Variants in NECAB1 observed in about 807,000 individuals in gnomAD.
NECAB1 encodes the protein N-terminal EF-hand calcium binding protein 1, also known as N-terminal EF-hand calcium-binding protein 1.
NECAB1 carries 29 observed loss-of-function variants against 57.5 expected under a neutral mutation model. That is an observed-to-expected ratio of 0.50 (90% CI 0.38 to 0.69). The LOEUF (loss-of-function observed/expected upper bound fraction) is 0.69, where lower values mean the gene tolerates loss of function less well. Ranked by LOEUF, NECAB1 falls within the 30% of genes least tolerant of loss-of-function variation. The pLI, the probability that NECAB1 is intolerant of heterozygous loss-of-function variation, is 0.00. For missense variants in NECAB1, 372 were observed against 413.8 expected, an observed-to-expected ratio of 0.90 and a Z score of 0.88; for synonymous variants, 142 against 147.7, an observed-to-expected ratio of 0.96 and a Z score of 0.28.
chr8:90,923,430 C>G (rs1043631328), intron 6 of NECAB1, among the ~76,000 whole-genome samples: 6 of 152,164 alleles, frequency 3.9e-5, no homozygotes, highest in Non-Finnish European at 7.3e-5. Context: ...TCTGATTAAT[C>G]CCAGAGAAAA....
chr8:90,827,539 C>T (rs770209294), intron 3 of NECAB1, among the ~76,000 whole-genome samples: 2 of 151,962 alleles, frequency 1.3e-5, no homozygotes, highest in Non-Finnish European at 2.9e-5. Context: ...TGTTCTAAGA[C>T]AGTGTTACCC....
At position 90,820,158 on chromosome 8, in the gene NECAB1, C is replaced by T. The variant is rs117111672; in HGVS notation, c.125-4559C>T. 2.1e-3 allele frequency among the ~76,000 whole-genome samples: 323 copies of T among 151,980 alleles called. 7 individuals carry two copies. In the East Asian group the frequency reaches 0.049, roughly 23 times the overall value. The stretch of plus-strand genomic sequence containing the variant: ...CTTAGCTGTGATTCTCTGCTTTTAC[C>T]TGTCTTTCCAGATTTGGGGTAGCAG... On this transcript the variant is annotated intron_variant, in intron 2 of 12. Transcript: ENST00000417640.
At position 90,849,614 on chromosome 8, in the gene NECAB1, A is replaced by AT. The variant is rs1586056801; in HGVS notation, c.234-22508dup. Among the ~76,000 whole-genome samples the AT allele has an allele frequency of 2.2e-5, 3 of 136,958 alleles. 1 individual carries two copies. In the East Asian group the frequency reaches 6.8e-4, roughly 31 times the overall value. The allele number at this position is 136,958 out of a possible 152,430, so 89.8% of individuals were successfully genotyped here. A position where few individuals can be genotyped will look rare whatever the true frequency, so the allele number is the denominator to read the frequency against. ...ATATAGCAGAATAATTTGAATTGTT[A>AT]TTTTTTAGATATAGTATTATTATAG... is the stretch of plus-strand genomic sequence containing the variant. On this transcript the variant is annotated intron_variant, in intron 3 of 12. Coordinates refer to ENST00000417640, the MANE Select transcript of NECAB1 (RefSeq NM_022351.5).
At chr8:90,803,572 A>G (rs1207812334) in intron 2 of NECAB1, among the ~76,000 whole-genome samples, 2 of 152,214 alleles carry the variant, frequency 1.3e-5, no homozygotes, top group African/African-American at 4.8e-5. Context: ...ATAACCTCAA[A>G]TATCGTGCTG....
At chr8:90,904,487 G>C (rs1009312267) in intron 5 of NECAB1, among the ~76,000 whole-genome samples, 1 of 151,862 alleles carries the variant, frequency 6.6e-6, no homozygotes, top group Non-Finnish European at 1.5e-5. Flanking sequence ...AAAACATCAG[G>C]AAACCAGTTT....
At chr8:90,948,555 A>G (rs374851476) in intron 10 of NECAB1, among the ~76,000 whole-genome samples, 2 of 152,196 alleles carry the variant, frequency 1.3e-5, no homozygotes, top group East Asian at 3.8e-4. Context: ...GTTTACTGGT[A>G]AGTTCTTTGT....
At chr8:90,932,734 C>T (rs539564175) in intron 8 of NECAB1, among the ~76,000 whole-genome samples, 5 of 152,190 alleles carry the variant, frequency 3.3e-5, no homozygotes, top group Non-Finnish European at 7.4e-5. Context: ...TATGTTATTT[C>T]AGATAGTCTG....
intron 6 of NECAB1, among the ~76,000 whole-genome samples, chr8:90,923,653 C>T (rs1810186164): frequency 1.3e-5 from 2 of 151,964 alleles, no homozygotes; most frequent in Non-Finnish European, 2.9e-5. Context: ...AGAGAGCAGA[C>T]AAAAAATTTC....
chr8:90,813,230 T>TACACACACACACAC (rs760365199), intron 2 of NECAB1: 3 of 138,576 alleles, frequency 2.2e-5, no homozygotes, highest in African/African-American at 5.4e-5. Context: ...TATATATGTA[T>TACACACACACACAC]ATATACACAC....
Position 90,813,230 on chromosome 8 carries a change from TATATACACACACACACAC to T in NECAB1, c.125-11485_125-11468del, listed in dbSNP as rs1290797951. ...AAATAAATAAATATATATATATGTA[TATATACACACACACACAC>T]ACACACACACACACACACACACACT... On this transcript the variant is annotated intron_variant, in intron 2 of 12. Transcript: ENST00000417640. The T allele has an allele frequency of 9.8e-3, 1,361 of 138,630 alleles. 17 individuals carry two copies. Among genetic ancestry groups the T allele is most frequent in the African/African-American group, 0.033 (1,238 of 37,144 alleles). 8.6% of individuals were successfully genotyped at this position (138,630 alleles called of 1,614,324 possible).
intron 5 of NECAB1, 23 bp from the exon 6 acceptor site, chr8:90,917,469 T>G (rs747690916): frequency 3.8e-6 from 6 of 1,570,644 alleles, no homozygotes. Context: ...TACTTCTAAT[T>G]GCATTTGTTT....
At chr8:90,908,365 T>G (rs1036492619) in intron 5 of NECAB1, among the ~76,000 whole-genome samples, 1 of 152,172 alleles carries the variant, frequency 6.6e-6, no homozygotes, top group African/African-American at 2.4e-5. Context: ...ATCCAATTTA[T>G]GTACGAACAT....
chr8:90,791,802 G>A lies in NECAB1; in HGVS notation c.-85G>A. On this transcript the variant is annotated 5_prime_UTR_variant, in exon 1 of 13. Coordinates refer to ENST00000417640, the MANE Select transcript of NECAB1 (RefSeq NM_022351.5). ...CCCGGATCCAGAGCCCGGCGGCGGCGAAGCAGCAGCTGCGGCCGCGCCCTT... is the reference window on the plus strand; with the variant it reads ...CCCGGATCCAGAGCCCGGCGGCGGCAAAGCAGCAGCTGCGGCCGCGCCCTT... 1 of 1,119,796 alleles carries A rather than the reference G, an allele frequency of 8.9e-7. No individual in the cohort carries two copies. Among genetic ancestry groups the A allele is most frequent in the East Asian group, 2.7e-5 (1 of 36,914 alleles). The allele number at this position is 1,119,796 out of a possible 1,614,324, so 69.4% of individuals were successfully genotyped here. A position where few individuals can be genotyped will look rare whatever the true frequency, so the allele number is the denominator to read the frequency against.
In NECAB1 at chr8:90,917,840, C is replaced by CTATATATATA. The variant is rs34288387; in HGVS notation, c.494+234_494+243dup. 6.4e-3 allele frequency among the ~76,000 whole-genome samples: 304 copies of CTATATATATA among 47,292 alleles called. 10 individuals carry two copies. The highest frequency in any genetic ancestry group is 0.025 in the East Asian group (19 of 768). 31.0% of individuals were successfully genotyped at this position (47,292 alleles called of 152,430 possible). ...CTTTTACTGTCAGTCATTTAGTAAA[C>CTATATATATA]TATATATATATATATATATATATAT... On this transcript the variant is annotated intron_variant, in intron 6 of 12. Coordinates refer to ENST00000417640, the MANE Select transcript of NECAB1 (RefSeq NM_022351.5).
At chr8:90,885,038 G>T (rs1164213067) in intron 5 of NECAB1, among the ~76,000 whole-genome samples, 1 of 152,146 alleles carries the variant, frequency 6.6e-6, no homozygotes, top group Non-Finnish European at 1.5e-5. Flanking sequence ...CCTACTTCCT[G>T]GACAGAGAAA....
intron 3 of NECAB1, chr8:90,825,145 A>G (rs1812202513): frequency 6.2e-6 from 1 of 161,880 alleles, no homozygotes; most frequent in Middle Eastern, 2.6e-3. Flanking sequence ...TTACCTTGTT[A>G]TTTAGGCTTA....
intron 5 of NECAB1, among the ~76,000 whole-genome samples, chr8:90,907,242 T>A (rs1046432080): frequency 6.6e-6 from 1 of 151,414 alleles, no homozygotes; most frequent in African/African-American, 2.4e-5. Context: ...CTTGGCTTAT[T>A]TTTCCAGATG....
intron 9 of NECAB1, among the ~76,000 whole-genome samples, chr8:90,936,233 A>G (rs895424504): frequency 1.3e-5 from 2 of 152,180 alleles, no homozygotes; most frequent in Non-Finnish European, 2.9e-5. Flanking sequence ...TTTAGAATTT[A>G]TTGAGTAGAG....
At chr8:90,925,723 T>G in intron 7 of NECAB1, 67 bp downstream of exon 7, 1 of 1,582,264 alleles carries the variant, frequency 6.3e-7, no homozygotes, top group Non-Finnish European at 8.6e-7. Flanking sequence ...AATTGATTAT[T>G]TTAACAAACA....
Sources: gnomAD v4.1 joint callset for allele counts (sites outside exome capture counted in the v4.1 genomes callset) on GRCh38, gnomAD v4.1.1 for gene constraint, MANE v1.5 for transcripts, NCBI Gene and HGNC (gene_info 2026-07-23, HGNC 2026-07-21) for gene names.